IGF2BP1: variants seen among roughly 807,000 people sequenced by gnomAD.
The protein encoded by IGF2BP1 is insulin like growth factor 2 mRNA binding protein 1, also known as insulin-like growth factor 2 mRNA-binding protein 1.
IGF2BP1 carries 11 observed loss-of-function variants against 74.9 expected under a neutral mutation model. The ratio of observed to expected loss-of-function variants is 0.15; its 90% confidence interval spans 0.09 to 0.24. The LOEUF is 0.24. IGF2BP1 is among the 10% of genes least tolerant of loss of function. IGF2BP1 has a pLI of 1.00. For missense variants in IGF2BP1, 440 were observed against 757.4 expected, an observed-to-expected ratio of 0.58 and a Z score of 4.92; for synonymous variants, 287 against 281.8, an observed-to-expected ratio of 1.02 and a Z score of -0.18.
chr17:49,009,238 C>T (rs1332443160), intron 2 of IGF2BP1, among the ~76,000 whole-genome samples: 1 of 151,348 alleles, frequency 6.6e-6, no homozygotes, highest in Non-Finnish European at 1.5e-5. Flanking sequence ...CCATGTTGGC[C>T]AGGCTGGTCT....
intron 2 of IGF2BP1, among the ~76,000 whole-genome samples, chr17:49,019,904 T>TTATATATATATATATATATATA (rs60753189): frequency 2.3e-5 from 1 of 43,910 alleles, no homozygotes; most frequent in Non-Finnish European, 4.2e-5. Flanking sequence ...CCTGGCTAAT[T>TTATATATATATATATATATATA]TATATATATA....
At chr17:49,036,101 GGGTTGA>G (rs1456269853) in intron 5 of IGF2BP1, among the ~76,000 whole-genome samples, 38 of 152,318 alleles carry the variant, frequency 2.5e-4, no homozygotes, top group African/African-American at 9.1e-4. Flanking sequence ...GAAGCGACCG[GGGTTGA>G]CTGGAAGCGA....
Position 49,041,416 on chromosome 17 carries a change from A to G in IGF2BP1, c.857A>G (p.Asn286Ser), listed in dbSNP as rs2042050888. The G allele has an allele frequency of 6.2e-7, 1 of 1,613,812 alleles. No homozygotes were observed. Among genetic ancestry groups the G allele is most frequent in the South Asian group, 1.1e-5 (1 of 91,054 alleles). Residue 286 changes from asparagine (N) to serine (S), a missense_variant, in exon 8 of 15, where the codon AAC becomes AGC. By Grantham distance (46) the Asn-to-Ser change is conservative. Coordinates refer to ENST00000290341, the MANE Select transcript of IGF2BP1 (RefSeq NM_006546.4). ...CCCCTGAAGATCCTGGCCCATAATAACTTTGTAGGGCGTCTCATTGGCAAG... is the reference window on the plus strand; with the variant it reads ...CCCCTGAAGATCCTGGCCCATAATAGCTTTGTAGGGCGTCTCATTGGCAAG... ...EVPLKILAHN[N>S]FVGRLIGKEG...
rs1259690630 is a variant in IGF2BP1 at position 49,038,422 on chromosome 17, G to A, written c.656G>A (p.Arg219His). The A allele has an allele frequency of 5.1e-6, 8 of 1,561,320 alleles. No individual in the cohort carries two copies. The highest frequency in any genetic ancestry group is 1.4e-5 in the African/African-American group (1 of 73,576). ...AIIGKEGATI[R>H]NITKQTQSKI... ...ATTGGCAAGGAGGGGGCCACCATCC[G>A]CAACATCACAAAACAGACCCAGTCC... The change falls in exon 6 of 15, where the codon CGC (arginine) becomes CAC (histidine). Residue 219 changes from arginine (R) to histidine (H), a missense_variant. Arg to His is a conservative substitution (Grantham distance 29, BLOSUM62 0). Around this residue, in one of 5 missense-constraint regions of IGF2BP1, gnomAD observed 184 missense variants for 273.4 expected, o/e 0.67. Transcript: ENST00000290341.
intron 2 of IGF2BP1, among the ~76,000 whole-genome samples, chr17:49,002,210 G>A (rs912941404): frequency 2.0e-5 from 3 of 151,898 alleles, no homozygotes; most frequent in South Asian, 4.1e-4. Flanking sequence ...TTTATAAATC[G>A]TTCATAAAAT....
In IGF2BP1 at chr17:48,997,939, C is replaced by G. The variant is rs748972018; in HGVS notation, c.175+19C>G. ...TTCTCCGGTAAGAACACAGCCACCTCCCGGAAAAGCCACAACGAGAGCCCC... is the reference window on the plus strand; with the variant it reads ...TTCTCCGGTAAGAACACAGCCACCTGCCGGAAAAGCCACAACGAGAGCCCC... On this transcript the variant is annotated intron_variant, in intron 1 of 14. Transcript: ENST00000290341. The surrounding 1 kb of genome is among the most constrained non-coding windows in gnomAD (Gnocchi z 4.8). 5.0e-6 allele frequency: 8 copies of G among 1,609,668 alleles called. No homozygotes were observed. The East Asian group carries it at 1.8e-4, about 36-fold the overall frequency.
At chr17:49,036,652 GA>G (rs1463085313) in intron 5 of IGF2BP1, 1 of 152,110 alleles carries the variant, frequency 6.6e-6, no homozygotes. Context: ...CCTGAAATTT[GA>G]AAAACAGTGC....
intron 2 of IGF2BP1, among the ~76,000 whole-genome samples, chr17:49,024,044 G>A (rs2041822399): frequency 6.8e-6 from 1 of 146,716 alleles, no homozygotes; most frequent in Admixed American, 6.8e-5. Flanking sequence ...AGCCTCCTGA[G>A]TAGCTGGAAT....
At chr17:49,016,001 G>A (rs924538282) in intron 2 of IGF2BP1, among the ~76,000 whole-genome samples, 2 of 152,164 alleles carry the variant, frequency 1.3e-5, no homozygotes, top group Admixed American at 1.3e-4. Flanking sequence ...CCATCCAGCC[G>A]TATGATAGGG....
intron 5 of IGF2BP1, among the ~76,000 whole-genome samples, chr17:49,037,698 A>G (rs1360417654): frequency 1.3e-5 from 2 of 152,210 alleles, no homozygotes; most frequent in Non-Finnish European, 2.9e-5. Flanking sequence ...AGTTAGGAGT[A>G]TGTAGTAGTT....
chr17:49,045,221 T>A (rs2042097132), intron 12 of IGF2BP1, among the ~76,000 whole-genome samples, 156 bp downstream of exon 12: 1 of 152,122 alleles, frequency 6.6e-6, no homozygotes, highest in Admixed American at 6.5e-5. Context: ...TGCAGAGCTA[T>A]TTTCAAATTG....
chr17:49,016,301 C>T (rs183496003), intron 2 of IGF2BP1, among the ~76,000 whole-genome samples: 1 of 152,348 alleles, frequency 6.6e-6, no homozygotes, highest in Admixed American at 6.5e-5. Flanking sequence ...TCAGCATCCT[C>T]TCAGGCTTCA....
intron 2 of IGF2BP1, among the ~76,000 whole-genome samples, chr17:49,002,978 T>G (rs922247786): frequency 6.6e-6 from 1 of 152,196 alleles, no homozygotes; most frequent in Admixed American, 6.5e-5. Flanking sequence ...CTAGAACCCC[T>G]TATTTTCTGA....
intron 4 of IGF2BP1, among the ~76,000 whole-genome samples, chr17:49,031,287 T>C (rs184340439): frequency 1.8e-4 from 28 of 152,040 alleles, no homozygotes; most frequent in Non-Finnish European, 2.9e-5. Context: ...TTTGTGTTTT[T>C]TGTTAGAGAT....
At chr17:49,033,166 G>A (rs2041945035) in intron 5 of IGF2BP1, among the ~76,000 whole-genome samples, 1 of 151,220 alleles carries the variant, frequency 6.6e-6, no homozygotes, top group Non-Finnish European at 1.5e-5. Flanking sequence ...ATTATTTTGA[G>A]ACTGAGTCTT....
chr17:49,004,685 A>G (rs555264198), intron 2 of IGF2BP1: 1 of 152,342 alleles, frequency 6.6e-6, no homozygotes, highest in Non-Finnish European at 1.5e-5. Context: ...CTTGTAAAAG[A>G]GAGACAACAG....
intron 2 of IGF2BP1, among the ~76,000 whole-genome samples, chr17:49,024,211 G>A (rs985690653): frequency 6.6e-6 from 1 of 150,754 alleles, no homozygotes; most frequent in South Asian, 2.1e-4. Flanking sequence ...GATTACAGGC[G>A]TGAGCCACCG....
At chr17:48,998,004 A>G (rs1271131758) in intron 1 of IGF2BP1, 84 bp downstream of exon 1, 4 of 1,481,032 alleles carry the variant, frequency 2.7e-6, no homozygotes, top group Non-Finnish European at 3.7e-6. Flanking sequence ...CTCTCCCGCC[A>G]ACTCCTCTCT....
chr17:49,038,163 C>T lies in IGF2BP1; in HGVS notation c.402-5C>T. On this transcript the variant is annotated splice_region_variant and splice_polypyrimidine_tract_variant and intron_variant, in intron 5 of 14. Coordinates refer to ENST00000290341, the MANE Select transcript of IGF2BP1 (RefSeq NM_006546.4). ...ATGACCTGTAGACTCTCACTCTGTC[C>T]CCAGAGCCATCATGAAGCTGAATGG... 1 of 1,501,858 alleles carries T rather than the reference C, an allele frequency of 6.7e-7. No homozygotes were observed. Among genetic ancestry groups the T allele is most frequent in the South Asian group, 1.4e-5 (1 of 72,974 alleles). 93.0% of individuals were successfully genotyped at this position (1,501,858 alleles called of 1,614,324 possible).
Sources: allele counts gnomAD v4.1 joint callset (sites outside exome capture counted in the v4.1 genomes callset), GRCh38; gene constraint gnomAD v4.1.1; regional missense constraint gnomAD v4.1.1; non-coding constraint Gnocchi (gnomAD v3.1); transcripts MANE v1.5; gene names NCBI Gene and HGNC (gene_info 2026-07-23, HGNC 2026-07-21).